Variants in CD82 observed in about 807,000 individuals in gnomAD.
CD82 encodes the protein CD82 antigen.
A neutral mutation model predicts 37.4 loss-of-function variants in CD82; 36 were observed. That is an observed-to-expected ratio of 0.96 (90% CI 0.74 to 1.27). CD82 has a LOEUF of 1.27. Ranked by LOEUF, CD82 falls within the 50% of genes most tolerant of loss-of-function variation. The pLI, the probability that CD82 is intolerant of heterozygous loss-of-function variation, is 0.00. For synonymous variants in CD82, 158 were observed against 137.4 expected, an observed-to-expected ratio of 1.15 and a Z score of -1.05; for missense variants, 340 against 347.0, an observed-to-expected ratio of 0.98 and a Z score of 0.16.
intron 1 of CD82, among the ~76,000 whole-genome samples, chr11:44,575,806 T>G (rs1852882904): frequency 6.6e-6 from 1 of 152,180 alleles, no homozygotes; most frequent in Non-Finnish European, 1.5e-5. Context: ...GGGAACTTTC[T>G]GTGCAGGAGG....
chr11:44,596,620 C>T (rs1442844166), intron 3 of CD82, among the ~76,000 whole-genome samples: 1 of 152,050 alleles, frequency 6.6e-6, no homozygotes, highest in Non-Finnish European at 1.5e-5. Flanking sequence ...CAGGGGCTGG[C>T]AGGAGTCAGG....
chr11:44,605,908 GT>G (rs1214958420), intron 6 of CD82, among the ~76,000 whole-genome samples: 1 of 152,216 alleles, frequency 6.6e-6, no homozygotes, highest in Non-Finnish European at 1.5e-5. Flanking sequence ...GAAGGAGACC[GT>G]TAATAAAAAC....
rs1442683547 is a variant in CD82, at chr11:44,618,342, G to A, written c.619G>A (p.Glu207Lys). The A allele has an allele frequency of 1.2e-6, 2 of 1,613,418 alleles. No individual in the cohort carries two copies. The highest frequency in any genetic ancestry group is 1.1e-5 in the South Asian group (1 of 91,074). ...GNRTQSGNHP[E>K]DWPVYQEGCM... Reference sequence around the variant, plus strand: ...CAGGACCCAGAGTGGCAACCACCCTGAGGACTGGCCTGTGTACCAGGAGGT... The same window carrying A: ...CAGGACCCAGAGTGGCAACCACCCTAAGGACTGGCCTGTGTACCAGGAGGT... The change falls in exon 8 of 10, where the codon GAG becomes AAG. Residue 207 changes from glutamate to lysine, a missense_variant. Transcript: ENST00000227155.
At chr11:44,610,958 C>A (rs1232461311) in intron 6 of CD82, among the ~76,000 whole-genome samples, 2 of 152,082 alleles carry the variant, frequency 1.3e-5, no homozygotes, top group African/African-American at 4.8e-5. Context: ...CCTCAGCCTC[C>A]CAAGTAGCTG....
At chr11:44,582,893 A>T (rs762365589) in intron 1 of CD82, among the ~76,000 whole-genome samples, 53 of 152,226 alleles carry the variant, frequency 3.5e-4, no homozygotes, top group Admixed American at 6.5e-4. Context: ...CTGAACAAAT[A>T]GGTATACTTC....
At chr11:44,610,669 C>A (rs1853467653) in intron 6 of CD82, among the ~76,000 whole-genome samples, 1 of 152,080 alleles carries the variant, frequency 6.6e-6, no homozygotes, top group South Asian at 2.1e-4. Flanking sequence ...CATGTCTCTG[C>A]TGCTTTCTAT....
chr11:44,566,882 CTATT>C (rs1365939995), intron 1 of CD82, among the ~76,000 whole-genome samples: 2 of 152,118 alleles, frequency 1.3e-5, no homozygotes, highest in African/African-American at 4.8e-5. Context: ...CAACATCACT[CTATT>C]TGAGGGATGA....
chr11:44,619,151 G>A lies in CD82; in HGVS notation c.*25G>A, dbSNP rs376175476. ...AGGCAGCTGCTATCCCCATCTCCCT[G>A]CCTGGCCCCCAACCTCAGGGCTCCC... On this transcript the variant is annotated 3_prime_UTR_variant, in exon 10 of 10. Transcript: ENST00000227155. 47 of 1,597,202 alleles carry A rather than the reference G, an allele frequency of 2.9e-5. 1 individual carries two copies. In the South Asian group the frequency reaches 4.6e-4, roughly 16 times the overall value.
chr11:44,606,270 T>G (rs575629720), intron 6 of CD82: 1 of 152,324 alleles, frequency 6.6e-6, no homozygotes, highest in South Asian at 2.1e-4. Flanking sequence ...GGTGGGAGGA[T>G]TGCTCTGAGA....
intron 6 of CD82, among the ~76,000 whole-genome samples, chr11:44,611,902 G>A (rs1392029954): frequency 2.5e-4 from 38 of 152,348 alleles, no homozygotes; most frequent in Non-Finnish European, 5.9e-5. Context: ...ATTTCAGGGA[G>A]GCTGGGAGAG....
At chr11:44,575,514 C>T (rs1852878742) in intron 1 of CD82, among the ~76,000 whole-genome samples, 1 of 152,162 alleles carries the variant, frequency 6.6e-6, no homozygotes, top group South Asian at 2.1e-4. Context: ...GCCCCACCCC[C>T]AGGTTTCTGA....
At chr11:44,612,570 C>T (rs1245037340) in intron 6 of CD82, among the ~76,000 whole-genome samples, 4 of 120,940 alleles carry the variant, frequency 3.3e-5, no homozygotes, top group Non-Finnish European at 6.7e-5. Flanking sequence ...ATGCTGAGAG[C>T]TTTATTGAGA....
chr11:44,596,047 G>A (rs952851513), intron 3 of CD82, among the ~76,000 whole-genome samples: 8 of 152,230 alleles, frequency 5.3e-5, no homozygotes, highest in African/African-American at 1.2e-4. Flanking sequence ...GGAAGCCCTG[G>A]CGCTGCCTGC....
intron 4 of CD82, chr11:44,604,812 T>TA (rs1180765264): frequency 3.6e-6 from 2 of 551,852 alleles, no homozygotes; most frequent in Non-Finnish European, 6.5e-6. Context: ...CCTTACGAAG[T>TA]AAAAAATAAA....
At chr11:44,595,931 A>G (rs1853218696) in intron 3 of CD82, among the ~76,000 whole-genome samples, 1 of 147,522 alleles carries the variant, frequency 6.8e-6, no homozygotes, top group Non-Finnish European at 1.5e-5. Flanking sequence ...AAAAAAAAAA[A>G]GAATTTTAAA....
rs1158765793 is a variant in CD82 at position 44,587,567 on chromosome 11, G to A, written c.-21+11G>A. The A allele has an allele frequency of 2.2e-6, 1 of 456,368 alleles. No individual in the cohort carries two copies. Among genetic ancestry groups the A allele is most frequent in the South Asian group, 1.5e-5 (1 of 64,574 alleles). The allele number at this position is 456,368 out of a possible 1,614,324, so 28.3% of individuals were successfully genotyped here. ...CTGGTTTCGTGGAAGGTAAGTCCTG[G>A]GCTGAGAGGAGTGGTGGGTTGGAGG... On this transcript the variant is annotated intron_variant, in intron 2 of 9. Transcript: ENST00000227155.
chr11:44,594,494 T>C, intron 2 of CD82, 149 bp from the exon 3 acceptor site: 3 of 616,552 alleles, frequency 4.9e-6, no homozygotes, highest in Admixed American at 2.7e-5. Context: ...CCTCATTTCC[T>C]AGCTGTGTGG....
intron 6 of CD82, among the ~76,000 whole-genome samples, chr11:44,610,631 C>T (rs1449416998): frequency 6.6e-6 from 1 of 152,060 alleles, no homozygotes; most frequent in Non-Finnish European, 1.5e-5. Flanking sequence ...ATCCCGGGTC[C>T]CTGGAGCTGC....
intron 3 of CD82, among the ~76,000 whole-genome samples, chr11:44,596,425 G>C (rs977406471): frequency 2.6e-5 from 4 of 152,226 alleles, no homozygotes; most frequent in Admixed American, 6.5e-5. Flanking sequence ...ACGGAGCTTG[G>C]GTTTCAGTGA....
Sources: allele counts gnomAD v4.1 joint callset (sites outside exome capture counted in the v4.1 genomes callset), GRCh38; gene constraint gnomAD v4.1.1; transcripts MANE v1.5; gene names NCBI Gene and HGNC (gene_info 2026-07-23, HGNC 2026-07-21).